The following NEDD4 variants were observed in gnomAD, a reference collection of about 807,000 sequenced individuals.
The protein encoded by NEDD4 is NEDD4 E3 ubiquitin protein ligase.
In NEDD4, 99 loss-of-function variants were observed where a neutral mutation model predicts 144.9. The observed-to-expected ratio is 0.68, with a 90% CI of 0.58 to 0.81. NEDD4 has a LOEUF of 0.81. Among genes scored for constraint, NEDD4 ranks in the 30% least tolerant of loss-of-function variants. NEDD4 has a pLI of 0.00. For synonymous variants in NEDD4, 318 were observed against 350.6 expected, an observed-to-expected ratio of 0.91 and a Z score of 1.04; for missense variants, 985 against 1,065.9, an observed-to-expected ratio of 0.92 and a Z score of 1.06.
chr15:55,974,469 G>A (rs527371410), intron 1 of NEDD4, among the ~76,000 whole-genome samples: 1 of 152,006 alleles, frequency 6.6e-6, no homozygotes, highest in East Asian at 1.9e-4. Context: ...ATTGAAAAAA[G>A]AAAACTACAG....
intron 5 of NEDD4, among the ~76,000 whole-genome samples, chr15:55,877,907 G>A (rs1370411661): frequency 1.3e-5 from 2 of 151,984 alleles, no homozygotes; most frequent in Admixed American, 6.6e-5. Flanking sequence ...TAGTTTTTGT[G>A]CATTTCTGAT....
chr15:55,837,876 A>C (rs1224861033), intron 23 of NEDD4, 27 bp from the exon 24 acceptor site: 1 of 1,570,258 alleles, frequency 6.4e-7, no homozygotes, highest in Admixed American at 1.7e-5. Context: ...TTTCATTTTC[A>C]TGTGAACCAA....
chr15:55,838,312 A>C, intron 22 of NEDD4, 132 bp from the exon 23 acceptor site: 1 of 739,400 alleles, frequency 1.4e-6, no homozygotes, highest in Non-Finnish European at 2.2e-6. Flanking sequence ...AAGAAAACTT[A>C]AAATACTAGT....
At chr15:55,848,252 G>A (rs2033829195) in intron 17 of NEDD4, 120 bp downstream of exon 17, 7 of 873,794 alleles carry the variant, frequency 8.0e-6, no homozygotes, top group Non-Finnish European at 1.3e-5. Context: ...ATGGGGGAGA[G>A]GAGAGAACGG....
chr15:55,980,533 C>T (rs781236065), intron 1 of NEDD4, among the ~76,000 whole-genome samples: 18 of 152,182 alleles, frequency 1.2e-4, no homozygotes, highest in Middle Eastern at 3.4e-3. Context: ...ACCCGCCCCT[C>T]GTACAGAGGA....
At position 55,841,364 on chromosome 15, in the gene NEDD4, A is replaced by C. The variant is rs184676755; in HGVS notation, c.1838+570T>G. On this transcript the variant is annotated intron_variant, in intron 19 of 28. Transcript: ENST00000435532. ...AGTGAAATGAGCTGGTCACAAAAAGACAAATATTGAATGATTCCACTTATG... is the reference window on the plus strand; with the variant it reads ...AGTGAAATGAGCTGGTCACAAAAAGCCAAATATTGAATGATTCCACTTATG... Among the ~76,000 whole-genome samples, 358 of 152,380 alleles carry C rather than the reference A, an allele frequency of 2.3e-3. 2 individuals carry two copies. The highest frequency in any genetic ancestry group is 3.6e-3 in the Non-Finnish European group (245 of 68,040).
intron 5 of NEDD4, among the ~76,000 whole-genome samples, chr15:55,919,882 A>G (rs1178173369): frequency 3.3e-5 from 5 of 152,174 alleles, no homozygotes; most frequent in East Asian, 1.9e-4. Flanking sequence ...GGTTAATTGT[A>G]TGTATCAACT....
At chr15:55,913,396 AAAC>A (rs1184521396) in intron 5 of NEDD4, among the ~76,000 whole-genome samples, 3 of 152,120 alleles carry the variant, frequency 2.0e-5, no homozygotes, top group Admixed American at 6.5e-5. Flanking sequence ...TATTTAGAAA[AAAC>A]AACACTAGAA....
intron 4 of NEDD4, among the ~76,000 whole-genome samples, chr15:55,935,283 A>G (rs563186829): frequency 9.5e-4 from 145 of 152,192 alleles, no homozygotes; most frequent in Non-Finnish European, 1.4e-3. Flanking sequence ...TGAATGTATC[A>G]TAATTTACTT....
intron 4 of NEDD4, among the ~76,000 whole-genome samples, chr15:55,940,899 T>C (rs953021428): frequency 6.6e-6 from 1 of 152,170 alleles, no homozygotes; most frequent in East Asian, 1.9e-4. Context: ...CTTAAATTTT[T>C]TAAAATAAAA....
intron 5 of NEDD4, among the ~76,000 whole-genome samples, chr15:55,913,093 T>C (rs977225327): frequency 6.6e-6 from 1 of 152,118 alleles, no homozygotes; most frequent in South Asian, 2.1e-4. Context: ...AAAGAAGTTG[T>C]AGACTCTCAG....
chr15:55,971,594 C>T (rs146817673), intron 1 of NEDD4, among the ~76,000 whole-genome samples: 2,925 of 145,718 alleles, frequency 0.02, 113 homozygotes, highest in African/African-American at 0.071. Context: ...CACTGCACTC[C>T]AGCCTGGGCA....
At chr15:55,907,412 C>A (rs1351644756) in intron 5 of NEDD4, among the ~76,000 whole-genome samples, 1 of 152,164 alleles carries the variant, frequency 6.6e-6, no homozygotes, top group African/African-American at 2.4e-5. Flanking sequence ...TGTTTACCTG[C>A]ATGAAGTAGG....
chr15:55,867,801 G>C (rs1595770888), intron 8 of NEDD4, among the ~76,000 whole-genome samples: 1 of 152,168 alleles, frequency 6.6e-6, no homozygotes, highest in Non-Finnish European at 1.5e-5. Context: ...CACGCCTGTA[G>C]TCCCAGCACT....
chr15:55,829,939 C>G lies in NEDD4; in HGVS notation c.2661G>C (p.Gln887His), dbSNP rs201769294. 1 of 1,613,850 alleles carries G rather than the reference C, an allele frequency of 6.2e-7. No homozygotes were observed. The highest frequency in any genetic ancestry group is 1.7e-5 in the Admixed American group (1 of 59,960). Residue 887 changes from glutamine to histidine, a missense_variant, in exon 29 of 29, where the codon CAG (glutamine) becomes CAC (histidine). Gln to His is a conservative substitution (Grantham distance 24). Coordinates refer to ENST00000435532, the MANE Select transcript of NEDD4 (RefSeq NM_006154.4). ...ESFEELWDKL[Q>H]MAIENTQGFD... Reference sequence around the variant, plus strand: ...AGCCCTGGGTGTTTTCAATTGCCATCTGAAGTTTATCCCATAATTCTTCAA... The same window carrying G: ...AGCCCTGGGTGTTTTCAATTGCCATGTGAAGTTTATCCCATAATTCTTCAA...
At chr15:55,945,024 T>C (rs1375672238) in intron 4 of NEDD4, among the ~76,000 whole-genome samples, 11 of 151,598 alleles carry the variant, frequency 7.3e-5, no homozygotes, top group Admixed American at 2.6e-4. Flanking sequence ...ACGTCAAAGA[T>C]GAAAGGTAGA....
intron 5 of NEDD4, chr15:55,915,434 A>G (rs1267440217): frequency 2.5e-6 from 4 of 1,613,766 alleles, no homozygotes; most frequent in Non-Finnish European, 3.4e-6. Flanking sequence ...ATAGACAGGA[A>G]ATATTTGGAT....
At position 55,873,977 on chromosome 15, in the gene NEDD4, A is replaced by C. The variant is rs1264741089; in HGVS notation, c.323T>G (p.Val108Gly). Residue 108 changes from valine to glycine, a missense_variant, in exon 6 of 29, where the codon GTT becomes GGT. Transcript: ENST00000435532. ...ACCAACCGGTAATGGATAAAGTGGA[A>C]CATCCACTTGACCTAGGAAATCATC... is the stretch of plus-strand genomic sequence containing the variant. ...TRDDFLGQVD[V>G]PLYPLPTENP... 1 of 1,547,620 alleles carries C rather than the reference A, an allele frequency of 6.5e-7. No individual in the cohort carries two copies. The highest frequency in any genetic ancestry group is 1.9e-5 in the Admixed American group (1 of 52,650).
Position 55,955,334 on chromosome 15 carries a change from T to C in NEDD4, c.120-3745A>G, listed in dbSNP as rs535632513. The stretch of plus-strand genomic sequence containing the variant: ...CATCAGCCACCATACCTGGCAGCTC[T>C]ACCCTCTTAAATTTTTAATTGCACA... On this transcript the variant is annotated intron_variant, in intron 2 of 28. Transcript: ENST00000435532. 1.4e-3 allele frequency among the ~76,000 whole-genome samples: 215 copies of C among 152,262 alleles called. 1 individual carries two copies. Among genetic ancestry groups the C allele is most frequent in the African/African-American group, 4.6e-3 (192 of 41,556 alleles).
Sources: gnomAD v4.1 joint callset for allele counts (sites outside exome capture counted in the v4.1 genomes callset) on GRCh38, gnomAD v4.1.1 for gene constraint, MANE v1.5 for transcripts, NCBI Gene and HGNC (gene_info 2026-07-23, HGNC 2026-07-21) for gene names.